Variants in FBLN5 observed in about 807,000 individuals in gnomAD.
FBLN5 encodes the protein fibulin 5.
In FBLN5, 24 loss-of-function variants were observed where a neutral mutation model predicts 61.6. The observed-to-expected ratio is 0.39, with a 90% CI of 0.28 to 0.55. The LOEUF is 0.55. FBLN5 is among the 20% of genes least tolerant of loss of function. The pLI is 0.65. For synonymous variants in FBLN5, 213 were observed against 219.8 expected (o/e 0.97, Z 0.27); for missense variants, 470 against 594.1 (o/e 0.79, Z 2.17).
chr14:91,897,116 C>T (rs565383727), intron 4 of FBLN5, among the ~76,000 whole-genome samples: 1 of 152,118 alleles, frequency 6.6e-6, no homozygotes, highest in Non-Finnish European at 1.5e-5. Context: ...CTCCTCTAAA[C>T]ATGAACGACC....
intron 6 of FBLN5, among the ~76,000 whole-genome samples, chr14:91,887,926 C>A (rs763127900): frequency 1.3e-5 from 2 of 152,024 alleles, no homozygotes; most frequent in Non-Finnish European, 2.9e-5. Context: ...TGGTTTCATG[C>A]GGGTACACGT....
intron 4 of FBLN5, among the ~76,000 whole-genome samples, chr14:91,904,745 G>A (rs752862720): frequency 1.2e-4 from 18 of 152,142 alleles, no homozygotes; most frequent in Non-Finnish European, 2.4e-4. Flanking sequence ...TCATCCAAAC[G>A]CAGTCACCTC....
chr14:91,944,830 C>G (rs575389711), intron 1 of FBLN5, among the ~76,000 whole-genome samples: 1 of 152,278 alleles, frequency 6.6e-6, no homozygotes, highest in South Asian at 2.1e-4. Context: ...TTAATAGGTA[C>G]AGAGATTCAG....
chr14:91,914,429 G>C (rs1427042389), intron 4 of FBLN5, among the ~76,000 whole-genome samples: 1 of 139,958 alleles, frequency 7.1e-6, no homozygotes, highest in Non-Finnish European at 1.5e-5. Flanking sequence ...AGTGAGCCGA[G>C]ATCATGCCAC....
At chr14:91,912,588 T>G (rs992825468) in intron 4 of FBLN5, among the ~76,000 whole-genome samples, 3 of 152,058 alleles carry the variant, frequency 2.0e-5, no homozygotes, top group African/African-American at 4.8e-5. Context: ...GAGGTTGCAG[T>G]GAGTCGAGAT....
intron 4 of FBLN5, among the ~76,000 whole-genome samples, chr14:91,905,390 A>G (rs745972986): frequency 6.6e-6 from 1 of 152,116 alleles, no homozygotes; most frequent in African/African-American, 2.4e-5. Context: ...AACACACAAC[A>G]GGGTGTGTCA....
At chr14:91,946,282 TAA>T (rs11365622) in intron 1 of FBLN5, among the ~76,000 whole-genome samples, 12 of 148,550 alleles carry the variant, frequency 8.1e-5, no homozygotes, top group East Asian at 7.9e-4. Flanking sequence ...ACCTTGTGAT[TAA>T]AAAAAAAAAA....
Position 91,893,197 on chromosome 14 carries a change from C to T in FBLN5, c.502+1753G>A, listed in dbSNP as rs78117679. Among the ~76,000 whole-genome samples the T allele has an allele frequency of 3.3e-3, 509 of 152,316 alleles. 1 individual carries two copies. Among genetic ancestry groups the T allele is most frequent in the Non-Finnish European group, 5.6e-3 (378 of 68,032 alleles). On this transcript the variant is annotated intron_variant, in intron 5 of 10. Coordinates refer to ENST00000342058, the MANE Select transcript of FBLN5 (RefSeq NM_006329.4). ...TTCTTTCTCTATGAGTCTCAGTCTG[C>T]GATGCTATAAAAGTTGGATGACATA...
chr14:91,917,388 C>T (rs1175991675), intron 4 of FBLN5, among the ~76,000 whole-genome samples: 1 of 151,896 alleles, frequency 6.6e-6, no homozygotes, highest in Non-Finnish European at 1.5e-5. Context: ...ACCAGCCTGA[C>T]CAATATAGTG....
chr14:91,946,900 A>G lies in FBLN5; in HGVS notation c.17+313T>C. ...CGAAATTTAAAAAATACATACAAAA[A>G]TCCCTTAAAACGACAAAGTTGCTGC... is the stretch of plus-strand genomic sequence containing the variant. On this transcript the variant is annotated intron_variant, in intron 1 of 10. Transcript: ENST00000342058. 3.4e-6 allele frequency: 5 copies of G among 1,465,256 alleles called. No individual in the cohort carries two copies. In the South Asian group the frequency reaches 7.0e-5, roughly 21 times the overall value. 90.8% of individuals were successfully genotyped at this position (1,465,256 alleles called of 1,614,324 possible). A position where few individuals can be genotyped will look rare whatever the true frequency, so the allele number is the denominator to read the frequency against.
intron 4 of FBLN5, among the ~76,000 whole-genome samples, chr14:91,900,265 A>C (rs544068488): frequency 3.9e-5 from 6 of 152,376 alleles, no homozygotes; most frequent in African/African-American, 1.4e-4. Flanking sequence ...CAGTTATAAC[A>C]GACTTAATAT....
chr14:91,909,871 C>T (rs534080118), intron 4 of FBLN5, among the ~76,000 whole-genome samples: 2 of 152,144 alleles, frequency 1.3e-5, no homozygotes, highest in African/African-American at 2.4e-5. Flanking sequence ...AAAACAACAA[C>T]AAAAAATAGA....
chr14:91,870,090 G>C lies in FBLN5; in HGVS notation c.*134C>G. 1 of 921,562 alleles carries C rather than the reference G, an allele frequency of 1.1e-6. No individual in the cohort carries two copies. Among genetic ancestry groups the C allele is most frequent in the Non-Finnish European group, 1.7e-6 (1 of 580,236 alleles). The allele number at this position is 921,562 out of a possible 1,614,324, so 57.1% of individuals were successfully genotyped here. A position where few individuals can be genotyped will look rare whatever the true frequency, so the allele number is the denominator to read the frequency against. ...AGTACAGGTGAGAGTCAGGAAGTCGGGGCTGACTCTTCGGGGAAACGTTCA... is the reference window on the plus strand; with the variant it reads ...AGTACAGGTGAGAGTCAGGAAGTCGCGGCTGACTCTTCGGGGAAACGTTCA... On this transcript the variant is annotated 3_prime_UTR_variant, in exon 11 of 11. Transcript: ENST00000342058.
chr14:91,930,654 G>A (rs2055907667), intron 4 of FBLN5, among the ~76,000 whole-genome samples: 1 of 152,196 alleles, frequency 6.6e-6, no homozygotes, highest in Admixed American at 6.5e-5. Flanking sequence ...TGGAGTGAAG[G>A]CCGCCTTCTC....
intron 9 of FBLN5, 92 bp downstream of exon 9, chr14:91,881,200 T>G (rs914924740): frequency 5.4e-6 from 8 of 1,479,706 alleles, no homozygotes; most frequent in Non-Finnish European, 7.5e-6. Context: ...CCTCACTTCC[T>G]GGCTGGTGCA....
chr14:91,903,383 C>A (rs942449191), intron 4 of FBLN5, among the ~76,000 whole-genome samples: 3 of 152,126 alleles, frequency 2.0e-5, no homozygotes, highest in African/African-American at 7.2e-5. Context: ...CCTATGAACT[C>A]AATTCCCTGA....
chr14:91,939,842 C>A, intron 3 of FBLN5: 1 of 425,430 alleles, frequency 2.4e-6, no homozygotes, highest in Non-Finnish European at 4.6e-6. Context: ...GCTTACTAAG[C>A]AGCTGACCTT....
At chr14:91,912,742 C>A (rs188769101) in intron 4 of FBLN5, among the ~76,000 whole-genome samples, 1 of 145,698 alleles carries the variant, frequency 6.9e-6, no homozygotes, top group African/African-American at 2.6e-5. Context: ...CCCGGGAAAT[C>A]GAGGCTGCCA....
At chr14:91,919,520 A>G (rs1185672579) in intron 4 of FBLN5, among the ~76,000 whole-genome samples, 1 of 152,118 alleles carries the variant, frequency 6.6e-6, no homozygotes, top group East Asian at 1.9e-4. Context: ...GTGTCCCTCC[A>G]AAATTCATAT....
Sources: gnomAD v4.1 joint callset for allele counts (sites outside exome capture counted in the v4.1 genomes callset) on GRCh38, gnomAD v4.1.1 for gene constraint, MANE v1.5 for transcripts, NCBI Gene and HGNC (gene_info 2026-07-23, HGNC 2026-07-21) for gene names.